Variants in C2CD5 observed in about 807,000 individuals in gnomAD.
The protein encoded by C2CD5 is C2 domain-containing protein 5.
Under a neutral mutation model 130.3 loss-of-function variants are expected in C2CD5, and 109 were observed. The observed-to-expected ratio is 0.84, with a 90% confidence interval of 0.72 to 0.98. C2CD5 has a LOEUF of 0.98. Among genes scored for constraint, C2CD5 ranks in the 50% least tolerant of loss-of-function variants. The pLI, the probability that C2CD5 is intolerant of heterozygous loss-of-function variation, is 0.00. For synonymous variants in C2CD5, 454 were observed against 429.2 expected, an observed-to-expected ratio of 1.06 and a Z score of -0.71; for missense variants, 996 against 1,261.8, an observed-to-expected ratio of 0.79 and a Z score of 3.19.
chr12:22,488,459 G>A (rs557199779), intron 12 of C2CD5, among the ~76,000 whole-genome samples: 2 of 151,094 alleles, frequency 1.3e-5, no homozygotes, highest in South Asian at 2.1e-4. Context: ...AACTAGGGGT[G>A]GCACCTATTG....
Position 22,449,175 on chromosome 12 carries a change from C to G in C2CD5, c.*585G>C, listed in dbSNP as rs1466712137. The G allele has an allele frequency of 1.3e-5, 2 of 152,112 alleles. No homozygotes were observed. Among genetic ancestry groups the G allele is most frequent in the Non-Finnish European group, 1.5e-5 (1 of 67,998 alleles). The allele number at this position is 152,112 out of a possible 1,614,324, so 9.4% of individuals were successfully genotyped here. On this transcript the variant is annotated 3_prime_UTR_variant, in exon 27 of 27. Transcript: ENST00000446597. ...AGCTATGATAAATTATTTTCTTTTACAAGAGTTAGGATGTATTACAGATAC... is the reference window on the plus strand; with the variant it reads ...AGCTATGATAAATTATTTTCTTTTAGAAGAGTTAGGATGTATTACAGATAC...
chr12:22,449,967 C>A, intron 26 of C2CD5, 76 bp from the exon 27 acceptor site: 1 of 1,181,014 alleles, frequency 8.5e-7, no homozygotes, highest in East Asian at 2.4e-5. Context: ...AGGGGCAGTG[C>A]TGTACAGCCA....
chr12:22,491,984 C>T (rs1379047120), intron 11 of C2CD5, among the ~76,000 whole-genome samples: 2 of 151,936 alleles, frequency 1.3e-5, no homozygotes, highest in African/African-American at 4.8e-5. Flanking sequence ...GCAAGATAAG[C>T]TTGACAAAGT....
intron 3 of C2CD5, among the ~76,000 whole-genome samples, chr12:22,534,072 C>A (rs903296026): frequency 2.0e-5 from 3 of 152,170 alleles, no homozygotes; most frequent in Admixed American, 6.5e-5. Flanking sequence ...CCTGTAATCC[C>A]AGCTACTAGG....
In C2CD5 at chr12:22,459,529, A is replaced by C. The variant is rs1267645349; in HGVS notation, c.2547T>G (p.Ser849Arg). Residue 849 changes from serine (S) to arginine (R), a missense_variant, in exon 23 of 27, where the codon AGT becomes AGG. By Grantham distance (110) the Ser-to-Arg change is moderately radical (BLOSUM62 -1). Around this residue, in one of 9 missense-constraint regions of C2CD5, gnomAD observed 590 missense variants for 631.4 expected, o/e 0.93. Coordinates refer to ENST00000446597, the MANE Select transcript of C2CD5 (RefSeq NM_001286176.2). ...PFPPAKEHLE[S>R]ASSNSGIPAA... ...CTGGTATACCTGAGTTAGAACTTGCACTCTCCAGGTGTTCTAATAAGACAA... is the reference window on the plus strand; with the variant it reads ...CTGGTATACCTGAGTTAGAACTTGCCCTCTCCAGGTGTTCTAATAAGACAA... 1 of 1,531,048 alleles carries C rather than the reference A, an allele frequency of 6.5e-7. No individual in the cohort carries two copies. The highest frequency in any genetic ancestry group is 2.4e-5 in the East Asian group (1 of 40,830). The allele number at this position is 1,531,048 out of a possible 1,614,324, so 94.8% of individuals were successfully genotyped here.
Position 22,497,898 on chromosome 12 carries a change from G to GCA in C2CD5, c.1148-4563_1148-4562dup, listed in dbSNP as rs1356049317. ...GTGAAATTTCACTACATACACGCAT[G>GCA]CACACACATACACACACACACACAC... is the stretch of plus-strand genomic sequence containing the variant. On this transcript the variant is annotated intron_variant, in intron 10 of 26. Coordinates refer to ENST00000446597, the MANE Select transcript of C2CD5 (RefSeq NM_001286176.2). 2.8e-3 allele frequency among the ~76,000 whole-genome samples: 285 copies of GCA among 102,232 alleles called. 2 individuals carry two copies. Among genetic ancestry groups the GCA allele is most frequent in the African/African-American group, 8.8e-3 (238 of 27,200 alleles). 67.1% of individuals were successfully genotyped at this position (102,232 alleles called of 152,430 possible). A position where few individuals can be genotyped will look rare whatever the true frequency, so the allele number is the denominator to read the frequency against.
intron 14 of C2CD5, among the ~76,000 whole-genome samples, chr12:22,481,420 T>C (rs1944688490): frequency 1.3e-5 from 2 of 152,136 alleles, no homozygotes; most frequent in African/African-American, 4.8e-5. Context: ...GCAAAGTACC[T>C]AGAAAATGAG....
At chr12:22,543,661 G>A (rs1392851161) in intron 2 of C2CD5, among the ~76,000 whole-genome samples, 2 of 152,146 alleles carry the variant, frequency 1.3e-5, no homozygotes, top group Non-Finnish European at 2.9e-5. Flanking sequence ...TCTCCTGAGT[G>A]GCAGGTGGCC....
chr12:22,449,786 A>T lies in C2CD5; in HGVS notation c.3130T>A (p.Cys1044Ser). 1 of 1,607,266 alleles carries T rather than the reference A, an allele frequency of 6.2e-7. No homozygotes were observed. Among genetic ancestry groups the T allele is most frequent in the Non-Finnish European group, 8.5e-7 (1 of 1,174,956 alleles). The change falls in exon 27 of 27, where the codon TGT (cysteine) becomes AGT (serine). Residue 1044 changes from cysteine to serine, a missense_variant. Around this residue, in one of 9 missense-constraint regions of C2CD5, gnomAD observed 48 missense variants for 46.4 expected, o/e 1.03. Transcript: ENST00000446597. The part of the protein sequence containing the change: ...QQPTTNCQSS[C>S]TEGEVTT Reference sequence around the variant, plus strand: ...CAGGTTGTAACTTCGCCTTCAGTACATGATGACTGGCAGTTGGTAGTAGGT... The same window carrying T: ...CAGGTTGTAACTTCGCCTTCAGTACTTGATGACTGGCAGTTGGTAGTAGGT...
In C2CD5 at chr12:22,449,762, A is replaced by T; in HGVS notation, c.3154T>A (p.Ter1052ArgextTer11). 1 of 1,572,450 alleles carries T rather than the reference A, an allele frequency of 6.4e-7. No individual in the cohort carries two copies. The highest frequency in any genetic ancestry group is 8.7e-7 in the Non-Finnish European group (1 of 1,149,276). ...GAGCTCTTTTTTCCTAATTTTCCTC[A>T]GGTTGTAACTTCGCCTTCAGTACAT... ...SSCTEGEVTT[*>R] Residue 1052 changes from the stop codon to arginine, a stop_lost, in exon 27 of 27, where the codon TGA becomes AGA. Coordinates refer to ENST00000446597, the MANE Select transcript of C2CD5 (RefSeq NM_001286176.2).
At chr12:22,516,274 T>A (rs1180084713) in intron 8 of C2CD5, among the ~76,000 whole-genome samples, 1 of 151,972 alleles carries the variant, frequency 6.6e-6, no homozygotes, top group East Asian at 1.9e-4. Flanking sequence ...CCATGAGAAA[T>A]AGGAGTGCTC....
chr12:22,506,708 T>TA lies in C2CD5; in HGVS notation c.1147+2dup. ...GAAACATTGAAACTTTTTAAGAACA[T>TA]ACCAGGATTGTGGATACGATCCAAA... is the stretch of plus-strand genomic sequence containing the variant. On this transcript the variant is annotated splice_region_variant and intron_variant, in intron 10 of 26. Transcript: ENST00000446597. 6.7e-7 allele frequency: 1 copy of TA among 1,490,868 alleles called. No homozygotes were observed. The highest frequency in any genetic ancestry group is 9.4e-7 in the Non-Finnish European group (1 of 1,068,116). 92.4% of individuals were successfully genotyped at this position (1,490,868 alleles called of 1,614,324 possible).
At chr12:22,466,541 A>G (rs1443845536) in intron 22 of C2CD5, among the ~76,000 whole-genome samples, 2 of 152,104 alleles carry the variant, frequency 1.3e-5, no homozygotes, top group Non-Finnish European at 2.9e-5. Flanking sequence ...ACAACACGCA[A>G]TTACTCCATT....
chr12:22,484,876 A>C lies in C2CD5; in HGVS notation c.1371T>G (p.Asn457Lys). ...GACAAAATCCACAACGTGTAGGCAA[A>C]TTTTCTTCAAGCCTATATAAATAAA... ...EGCLEQRLEE[N>K]LPTRCGFCHI... The change falls in exon 13 of 27, where the codon AAT becomes AAG. Residue 457 changes from asparagine to lysine, a missense_variant. Transcript: ENST00000446597. The C allele has an allele frequency of 6.5e-7, 1 of 1,528,112 alleles. No homozygotes were observed. Among genetic ancestry groups the C allele is most frequent in the Non-Finnish European group, 8.8e-7 (1 of 1,133,630 alleles). 94.7% of individuals were successfully genotyped at this position (1,528,112 alleles called of 1,614,324 possible). A position where few individuals can be genotyped will look rare whatever the true frequency, so the allele number is the denominator to read the frequency against.
intron 22 of C2CD5, among the ~76,000 whole-genome samples, chr12:22,467,797 T>A (rs1192046921): frequency 1.3e-5 from 2 of 152,188 alleles, no homozygotes; most frequent in African/African-American, 4.8e-5. Context: ...ATTTTCTTGT[T>A]TTTTAGTCCA....
intron 25 of C2CD5, among the ~76,000 whole-genome samples, chr12:22,455,869 G>C (rs1480441454): frequency 6.6e-6 from 1 of 152,070 alleles, no homozygotes; most frequent in African/African-American, 2.4e-5. Flanking sequence ...ATTTATAGTA[G>C]AGAAGGGGTT....
At chr12:22,477,263 A>T (rs1478998178) in intron 15 of C2CD5, 1 of 152,300 alleles carries the variant, frequency 6.6e-6, no homozygotes, top group East Asian at 1.9e-4. Context: ...TATACTTACT[A>T]CACATTTCAA....
At chr12:22,542,033 CTA>C (rs1482460285) in intron 2 of C2CD5, among the ~76,000 whole-genome samples, 4 of 152,180 alleles carry the variant, frequency 2.6e-5, no homozygotes, top group Non-Finnish European at 5.9e-5. Flanking sequence ...CAAGGCCTGA[CTA>C]TTTTAACCTA....
chr12:22,522,850 T>C (rs985219964), intron 7 of C2CD5, among the ~76,000 whole-genome samples: 5 of 152,222 alleles, frequency 3.3e-5, no homozygotes, highest in African/African-American at 9.6e-5. Context: ...ATTCATTTTA[T>C]GCTTTATATA....
Sources: gnomAD v4.1 joint callset for allele counts (sites outside exome capture counted in the v4.1 genomes callset) on GRCh38, gnomAD v4.1.1 for gene constraint, gnomAD v4.1.1 regional missense constraint, MANE v1.5 for transcripts, NCBI Gene and HGNC (gene_info 2026-07-23, HGNC 2026-07-21) for gene names.